Variants in SGCZ observed in about 807,000 individuals in gnomAD.
The protein encoded by SGCZ is sarcoglycan zeta, also known as zeta-sarcoglycan.
Under a neutral mutation model 41.3 loss-of-function variants are expected in SGCZ, and 40 were observed. The ratio of observed to expected loss-of-function variants is 0.97; its 90% CI spans 0.75 to 1.26. SGCZ has a LOEUF of 1.26. Ranked by LOEUF, SGCZ falls within the 50% of genes most tolerant of loss-of-function variation. The pLI is 0.00. For synonymous variants in SGCZ, 206 were observed against 137.5 expected (o/e 1.50, Z -3.49); for missense variants, 552 against 369.8 (o/e 1.49, Z -4.04).
intron 2 of SGCZ, among the ~76,000 whole-genome samples, chr8:14,523,819 C>T (rs906440503): frequency 4.6e-5 from 7 of 152,046 alleles, no homozygotes; most frequent in Admixed American, 6.6e-5. Flanking sequence ...AGTGATGATA[C>T]GAATGATAGA....
intron 3 of SGCZ, among the ~76,000 whole-genome samples, chr8:14,310,086 G>A (rs1280207263): frequency 6.6e-6 from 1 of 152,054 alleles, no homozygotes; most frequent in Non-Finnish European, 1.5e-5. Flanking sequence ...ATATTTTGCT[G>A]GTTTGAAAGA....
At chr8:14,563,212 A>G (rs1402889796) in intron 1 of SGCZ, among the ~76,000 whole-genome samples, 2 of 152,132 alleles carry the variant, frequency 1.3e-5, no homozygotes, top group African/African-American at 4.8e-5. Flanking sequence ...TCTGAGATTT[A>G]GGATACCTGC....
At chr8:14,907,354 G>A (rs1799151822) in intron 1 of SGCZ, among the ~76,000 whole-genome samples, 1 of 151,934 alleles carries the variant, frequency 6.6e-6, no homozygotes, top group South Asian at 2.1e-4. Flanking sequence ...CACTATGCCT[G>A]GATAATTTTT....
At chr8:14,643,721 C>G (rs546721469) in intron 1 of SGCZ, among the ~76,000 whole-genome samples, 7 of 151,750 alleles carry the variant, frequency 4.6e-5, no homozygotes, top group East Asian at 2.0e-4. Context: ...TTGGAAATAT[C>G]TGAAAGATAA....
intron 6 of SGCZ, among the ~76,000 whole-genome samples, chr8:14,103,853 T>G (rs1585137153): frequency 6.6e-6 from 1 of 152,320 alleles, no homozygotes; most frequent in Admixed American, 6.5e-5. Flanking sequence ...ATCCTACTGC[T>G]TAATAAAATT....
At chr8:14,174,671 A>C (rs1473312385) in intron 4 of SGCZ, among the ~76,000 whole-genome samples, 3 of 152,138 alleles carry the variant, frequency 2.0e-5, no homozygotes, top group East Asian at 3.9e-4. Context: ...TATTTAACCT[A>C]ATACTGACCT....
At chr8:14,316,043 T>C (rs1801704706) in intron 3 of SGCZ, among the ~76,000 whole-genome samples, 1 of 151,784 alleles carries the variant, frequency 6.6e-6, no homozygotes, top group African/African-American at 2.4e-5. Flanking sequence ...AATTAGAAAA[T>C]TAGTCAAATA....
In SGCZ at chr8:14,171,417, A is replaced by G. The variant is rs1001420030; in HGVS notation, c.425-6715T>C. Among the ~76,000 whole-genome samples the G allele has an allele frequency of 2.6e-5, 4 of 152,024 alleles. No individual in the cohort carries two copies. In the East Asian group the frequency reaches 7.7e-4, roughly 29 times the overall value. ...TTTATGCATCTTTCCTCTAAACTAT[A>G]TGTAACATAACTTGTTTAGTTGCAG... On this transcript the variant is annotated intron_variant, in intron 4 of 7. Transcript: ENST00000382080.
intron 3 of SGCZ, among the ~76,000 whole-genome samples, chr8:14,292,347 C>T (rs919468638): frequency 6.6e-6 from 1 of 151,950 alleles, no homozygotes; most frequent in African/African-American, 2.4e-5. Context: ...TAGGAAAGTC[C>T]TCTGAAGGAT....
At chr8:14,421,864 C>T (rs575434522) in intron 2 of SGCZ, among the ~76,000 whole-genome samples, 1 of 152,092 alleles carries the variant, frequency 6.6e-6, no homozygotes, top group Admixed American at 6.6e-5. Flanking sequence ...GAAAAAAATA[C>T]TTTGAATCCA....
At chr8:14,261,936 A>G (rs1563219868) in intron 3 of SGCZ, among the ~76,000 whole-genome samples, 1 of 152,308 alleles carries the variant, frequency 6.6e-6, no homozygotes, top group East Asian at 1.9e-4. Context: ...ATTATTCCTT[A>G]AAGATCTGGT....
At chr8:14,259,777 T>C (rs1228189505) in intron 3 of SGCZ, among the ~76,000 whole-genome samples, 1 of 150,656 alleles carries the variant, frequency 6.6e-6, no homozygotes, top group Non-Finnish European at 1.5e-5. Context: ...TGGCTTAGGA[T>C]TGACTTGGCG....
intron 2 of SGCZ, among the ~76,000 whole-genome samples, chr8:14,365,754 A>C (rs1363654930): frequency 1.3e-5 from 2 of 152,072 alleles, no homozygotes; most frequent in Non-Finnish European, 2.9e-5. Flanking sequence ...TATTTTGTCC[A>C]TTTTGTTTTT....
intron 2 of SGCZ, among the ~76,000 whole-genome samples, chr8:14,480,891 G>A (rs1335338653): frequency 6.6e-6 from 1 of 151,896 alleles, no homozygotes; most frequent in Admixed American, 6.6e-5. Context: ...TTGTACTCCT[G>A]AACTTAAAAG....
chr8:14,758,471 G>C (rs1799756857), intron 1 of SGCZ, among the ~76,000 whole-genome samples: 1 of 152,078 alleles, frequency 6.6e-6, no homozygotes, highest in Non-Finnish European at 1.5e-5. Context: ...ACTGTTAGAA[G>C]CTACAGACTA....
chr8:14,982,821 T>A (rs1267755384), intron 1 of SGCZ, among the ~76,000 whole-genome samples: 2 of 152,198 alleles, frequency 1.3e-5, no homozygotes, highest in Non-Finnish European at 2.9e-5. Flanking sequence ...AATATTCACT[T>A]ATTTGGCCCG....
intron 1 of SGCZ, among the ~76,000 whole-genome samples, chr8:15,217,104 T>C (rs1422933796): frequency 6.6e-6 from 1 of 152,030 alleles, no homozygotes; most frequent in African/African-American, 2.4e-5. Flanking sequence ...CAGCTAATAT[T>C]AACCCCACAG....
At chr8:15,010,745 G>T (rs191260616) in intron 1 of SGCZ, among the ~76,000 whole-genome samples, 1 of 152,210 alleles carries the variant, frequency 6.6e-6, no homozygotes, top group African/African-American at 2.4e-5. Context: ...CACATTCTAG[G>T]TATGGTTAGA....
At chr8:14,124,571 C>T (rs1009835696) in intron 5 of SGCZ, among the ~76,000 whole-genome samples, 3 of 152,060 alleles carry the variant, frequency 2.0e-5, no homozygotes, top group African/African-American at 7.2e-5. Flanking sequence ...ACTGTTTTAC[C>T]AAATTGATTA....
Sources: allele counts gnomAD v4.1 joint callset (sites outside exome capture counted in the v4.1 genomes callset), GRCh38; gene constraint gnomAD v4.1.1; transcripts MANE v1.5; gene names NCBI Gene and HGNC (gene_info 2026-07-23, HGNC 2026-07-21).